The following RECK variants were observed in gnomAD, a reference collection of about 807,000 sequenced individuals.
The protein encoded by RECK is reversion-inducing cysteine-rich protein with Kazal motifs.
Under a neutral mutation model 115.1 loss-of-function variants are expected in RECK, and 69 were observed. The observed-to-expected ratio is 0.60, with a 90% CI of 0.49 to 0.73. The LOEUF is 0.73. Ranked by LOEUF, RECK falls within the 30% of genes least tolerant of loss-of-function variation. The pLI is 0.00. For missense variants in RECK, 1,047 were observed against 1,203.7 expected, an observed-to-expected ratio of 0.87 and a Z score of 1.93; for synonymous variants, 414 against 419.7, an observed-to-expected ratio of 0.99 and a Z score of 0.17.
Position 36,091,228 on chromosome 9 carries a change from C to G in RECK, c.970C>G (p.Arg324Gly). Residue 324 changes from arginine to glycine, a missense_variant, in exon 10 of 21, where the codon CGC becomes GGC. Coordinates refer to ENST00000377966, the MANE Select transcript of RECK (RefSeq NM_021111.3). ...TACACAGAGTTGGCAAGAGTTTGAT[C>G]GCTTTTGTGAATATAATCCAGTGGA... is the stretch of plus-strand genomic sequence containing the variant. ...GNTQSWQEFD[R>G]FCEYNPVEVS... The G allele has an allele frequency of 1.2e-6, 2 of 1,613,972 alleles. No homozygotes were observed. Among genetic ancestry groups the G allele is most frequent in the South Asian group, 2.2e-5 (2 of 91,058 alleles).
intron 1 of RECK, among the ~76,000 whole-genome samples, chr9:36,051,722 T>A (rs1821310704): frequency 1.3e-5 from 2 of 152,166 alleles, no homozygotes; most frequent in Non-Finnish European, 2.9e-5. Context: ...CTAGACAATA[T>A]CATTCATTTC....
chr9:36,065,585 A>G lies in RECK; in HGVS notation c.366A>G (p.Ser122=), dbSNP rs1487160465. The part of the protein sequence containing the change: ...ECRQACKQAS[S]KNDISKVCRK... Reference sequence around the variant, plus strand: ...AATTTGTTGGTTTTTAGGCATCTTCAAAGAATGATATTTCCAAAGTTTGCA... The same window carrying G: ...AATTTGTTGGTTTTTAGGCATCTTCGAAGAATGATATTTCCAAAGTTTGCA... Residue 122 remains serine (S), a synonymous_variant, in exon 6 of 21, where the codon TCA becomes TCG. Transcript: ENST00000377966. The G allele has an allele frequency of 1.3e-6, 2 of 1,587,466 alleles. No homozygotes were observed. The highest frequency in any genetic ancestry group is 4.6e-5 in the East Asian group (2 of 43,474).
At position 36,054,859 on chromosome 9, in the gene RECK, AATT is replaced by A. The variant is rs570292038; in HGVS notation, c.159+2538_159+2540del. Among the ~76,000 whole-genome samples, 534 of 152,288 alleles carry A rather than the reference AATT, an allele frequency of 3.5e-3. 5 individuals are homozygous for A. Among genetic ancestry groups the A allele is most frequent in the Non-Finnish European group, 1.4e-3 (93 of 68,018 alleles). On this transcript the variant is annotated intron_variant, in intron 2 of 20. Coordinates refer to ENST00000377966, the MANE Select transcript of RECK (RefSeq NM_021111.3). ...ATTCATGTCCCTGCTCATGCAAACT[AATT>A]AGTTAATATTTTTGAGTTGATTGGT...
chr9:36,041,889 T>C (rs1820881134), intron 1 of RECK, among the ~76,000 whole-genome samples: 1 of 152,000 alleles, frequency 6.6e-6, no homozygotes, highest in Non-Finnish European at 1.5e-5. Flanking sequence ...GCCTGCCTCT[T>C]ACCTGAGTAT....
intron 13 of RECK, among the ~76,000 whole-genome samples, chr9:36,107,250 G>A (rs1305405415): frequency 4.6e-5 from 7 of 151,876 alleles, no homozygotes. Flanking sequence ...TTGAATTTAA[G>A]GTATACTTGT....
chr9:36,064,570 TATCTC>T (rs1489930941), intron 5 of RECK, among the ~76,000 whole-genome samples: 1 of 152,218 alleles, frequency 6.6e-6, no homozygotes, highest in Non-Finnish European at 1.5e-5. Flanking sequence ...TCTAGGGACT[TATCTC>T]AGATAAGAGT....
intron 9 of RECK, among the ~76,000 whole-genome samples, 199 bp from the exon 10 acceptor site, chr9:36,090,965 G>A (rs1341108680): frequency 6.6e-6 from 1 of 152,168 alleles, no homozygotes; most frequent in Non-Finnish European, 1.5e-5. Context: ...GAAAAGGTAG[G>A]TGATAAAAGA....
At chr9:36,110,310 A>G (rs1823991043) in intron 15 of RECK, among the ~76,000 whole-genome samples, 1 of 152,200 alleles carries the variant, frequency 6.6e-6, no homozygotes, top group African/African-American at 2.4e-5. Context: ...CTGGAATTTC[A>G]TGAGTCAAAA....
intron 6 of RECK, among the ~76,000 whole-genome samples, chr9:36,070,652 G>A (rs1822192140): frequency 6.6e-6 from 1 of 152,172 alleles, no homozygotes; most frequent in Admixed American, 6.5e-5. Flanking sequence ...AAATGTTCAA[G>A]TAAAGACTTA....
chr9:36,070,284 T>C (rs1364619772), intron 6 of RECK, among the ~76,000 whole-genome samples: 1 of 152,126 alleles, frequency 6.6e-6, no homozygotes, highest in Non-Finnish European at 1.5e-5. Context: ...AAGCATATGA[T>C]GTGTTAGGGT....
At chr9:36,100,858 A>T (rs1363376811) in intron 11 of RECK, among the ~76,000 whole-genome samples, 1 of 152,244 alleles carries the variant, frequency 6.6e-6, no homozygotes, top group Admixed American at 6.5e-5. Flanking sequence ...AACTTAGTTC[A>T]TGAAACATTT....
At chr9:36,119,164 G>T (rs1824371611) in intron 18 of RECK, among the ~76,000 whole-genome samples, 197 bp downstream of exon 18, 1 of 152,166 alleles carries the variant, frequency 6.6e-6, no homozygotes, top group South Asian at 2.1e-4. Flanking sequence ...CTGGTGTCCT[G>T]CTATTTTAAA....
At position 36,098,669 on chromosome 9, in the gene RECK, G is replaced by A. The variant is rs141846024; in HGVS notation, c.1086-1662G>A. Among the ~76,000 whole-genome samples the A allele has an allele frequency of 5.9e-5, 9 of 152,182 alleles. 1 individual carries two copies. In the East Asian group the frequency reaches 1.2e-3, roughly 20 times the overall value. On this transcript the variant is annotated intron_variant, in intron 10 of 20. Transcript: ENST00000377966. ...AAAGACCTGTCTAGTACCCTTATTCGTAATAGCCCAAAAAATGGGGGAGAG... is the reference window on the plus strand; with the variant it reads ...AAAGACCTGTCTAGTACCCTTATTCATAATAGCCCAAAAAATGGGGGAGAG...
chr9:36,088,726 A>G (rs967673536), intron 9 of RECK, among the ~76,000 whole-genome samples: 5 of 152,232 alleles, frequency 3.3e-5, no homozygotes, highest in Admixed American at 1.3e-4. Flanking sequence ...AAATTTTTTA[A>G]AAGACATGAA....
Position 36,123,026 on chromosome 9 carries a change from T to G in RECK, c.2897T>G (p.Leu966Trp). ...LPLSLGLALH[L>W]LWTYN ...CTCAGCTTGGGCCTTGCCTTGCACTTGCTCTGGACATATAACTGACTGCCC... is the reference window on the plus strand; with the variant it reads ...CTCAGCTTGGGCCTTGCCTTGCACTGGCTCTGGACATATAACTGACTGCCC... The change falls in exon 21 of 21, where the codon TTG (leucine) becomes TGG (tryptophan). Residue 966 changes from leucine (L) to tryptophan (W), a missense_variant. Physicochemically the swap from Leu to Trp is moderately conservative, Grantham distance 61. Transcript: ENST00000377966. The G allele has an allele frequency of 1.2e-6, 2 of 1,614,000 alleles. No homozygotes were observed. The highest frequency in any genetic ancestry group is 1.7e-6 in the Non-Finnish European group (2 of 1,179,936).
chr9:36,112,309 GC>G lies in RECK; in HGVS notation c.1896del (p.Cys633ValfsTer64). On this transcript the variant is annotated frameshift_variant, in exon 16 of 21. Coordinates refer to ENST00000377966, the MANE Select transcript of RECK (RefSeq NM_021111.3). LOFTEE classifies it high-confidence loss of function. ...EDDRRTFTGL[P>X]CNCADQFVPV... Reference sequence around the variant, plus strand: ...GAGGCTGTTTCCTCTCCTCAGGTCTGCCCTGTAACTGTGCAGATCAGTTTGT... The same window carrying G: ...GAGGCTGTTTCCTCTCCTCAGGTCTGCCTGTAACTGTGCAGATCAGTTTGT... The G allele has an allele frequency of 6.2e-7, 1 of 1,612,978 alleles. No individual in the cohort carries two copies. The highest frequency in any genetic ancestry group is 8.5e-7 in the Non-Finnish European group (1 of 1,179,886).
In RECK at chr9:36,052,333, C is replaced by T. The variant is rs749305193; in HGVS notation, c.159+10C>T. The T allele has an allele frequency of 1.2e-5, 19 of 1,594,932 alleles. No homozygotes were observed. The highest frequency in any genetic ancestry group is 1.5e-5 in the Non-Finnish European group (17 of 1,163,044). On this transcript the variant is annotated intron_variant, in intron 2 of 20. Coordinates refer to ENST00000377966, the MANE Select transcript of RECK (RefSeq NM_021111.3). ...TGATGTATGTGAACAGGTAAGATTA[C>T]ATAATAATTACAGAGGCAGCCAGAC...
intron 18 of RECK, 45 bp from the exon 19 acceptor site, chr9:36,120,614 CTCTT>C: frequency 7.0e-7 from 1 of 1,423,264 alleles, no homozygotes. Flanking sequence ...ATTTTAAATT[CTCTT>C]TGTTTCTAAT....
At position 36,122,978 on chromosome 9, in the gene RECK, C is replaced by G. The variant is rs1362247662; in HGVS notation, c.2849C>G (p.Ser950Cys). 1 of 1,614,160 alleles carries G rather than the reference C, an allele frequency of 6.2e-7. No homozygotes were observed. Among genetic ancestry groups the G allele is most frequent in the Admixed American group, 1.7e-5 (1 of 60,022 alleles). The change falls in exon 21 of 21, where the codon TCT becomes TGT. Residue 950 changes from serine (S) to cysteine (C), a missense_variant. Transcript: ENST00000377966. The part of the protein sequence containing the change: ...VPSAGVRARP[S>C]CHSLLLPLSL... ...TCGGCCGGTGTCAGGGCCAGGCCTT[C>G]TTGCCACTCCCTCCTCCTTCCCCTC...
Sources: gnomAD v4.1 joint callset for allele counts (sites outside exome capture counted in the v4.1 genomes callset) on GRCh38, gnomAD v4.1.1 for gene constraint, MANE v1.5 for transcripts, NCBI Gene and HGNC (gene_info 2026-07-23, HGNC 2026-07-21) for gene names.